The following FBXL5 variants were observed in gnomAD, a reference collection of about 807,000 sequenced individuals.
The protein encoded by FBXL5 is F-box/LRR-repeat protein 5.
Under a neutral mutation model 78.3 loss-of-function variants are expected in FBXL5, and 26 were observed. The observed-to-expected ratio is 0.33, with a 90% CI of 0.24 to 0.46. The LOEUF is 0.46. Among genes scored for constraint, FBXL5 ranks in the 20% least tolerant of loss-of-function variants. FBXL5 has a pLI of 1.00. For synonymous variants in FBXL5, 295 were observed against 282.5 expected (o/e 1.04, Z -0.45); for missense variants, 710 against 829.2 (o/e 0.86, Z 1.77).
intron 1 of FBXL5, among the ~76,000 whole-genome samples, chr4:15,676,624 A>G (rs1236758748): frequency 6.6e-6 from 1 of 152,128 alleles, no homozygotes; most frequent in East Asian, 1.9e-4. Flanking sequence ...TTACAGGGTC[A>G]TACATTTCCT....
At chr4:15,676,850 T>A (rs1255990303) in intron 1 of FBXL5, among the ~76,000 whole-genome samples, 1 of 152,158 alleles carries the variant, frequency 6.6e-6, no homozygotes, top group Non-Finnish European at 1.5e-5. Flanking sequence ...ACCTAATATA[T>A]CACTAGTCCA....
At position 15,630,666 on chromosome 4, in the gene FBXL5, C is replaced by G. The variant is rs1333718559; in HGVS notation, c.892G>C (p.Glu298Gln). 1.3e-6 allele frequency: 2 copies of G among 1,569,776 alleles called. No homozygotes were observed. The highest frequency in any genetic ancestry group is 1.4e-5 in the African/African-American group (1 of 72,502). Residue 298 changes from glutamate to glutamine, a missense_variant and splice_region_variant, in exon 6 of 11, where the codon GAA becomes CAA. Coordinates refer to ENST00000341285, the MANE Select transcript of FBXL5 (RefSeq NM_012161.4). ...WDEDADIDES[E>Q]ESAEESIAIS... ...TAATTTTAATTCCAAACAAGCTTACCAGATTCATCAATGTCAGCATCTTCA... is the reference window on the plus strand; with the variant it reads ...TAATTTTAATTCCAAACAAGCTTACGAGATTCATCAATGTCAGCATCTTCA...
upstream of FBXL5, among the ~76,000 whole-genome samples, chr4:15,656,858 A>G (rs10939630): frequency 0.064 from 9,770 of 152,030 alleles, 575 homozygotes; most frequent in East Asian, 0.22. Context: ...GTGCTGCAGG[A>G]AATTAAGTCT....
upstream of FBXL5, among the ~76,000 whole-genome samples, chr4:15,655,744 C>T (rs1716854736): frequency 6.6e-6 from 1 of 152,210 alleles, no homozygotes; most frequent in Non-Finnish European, 1.5e-5. Context: ...GTGCCCACGC[C>T]CCGACGCCTG....
At chr4:15,629,903 A>G (rs1251643336) in intron 6 of FBXL5, among the ~76,000 whole-genome samples, 1 of 152,148 alleles carries the variant, frequency 6.6e-6, no homozygotes, top group Non-Finnish European at 1.5e-5. Context: ...CAGTTTTACC[A>G]ACTAGAAGAA....
chr4:15,619,162 C>CA (rs989217602), intron 9 of FBXL5, among the ~76,000 whole-genome samples: 17 of 149,888 alleles, frequency 1.1e-4, no homozygotes, highest in African/African-American at 2.5e-4. Flanking sequence ...GACCCTGTCT[C>CA]AAAAAAAAAC....
intron 1 of FBXL5, among the ~76,000 whole-genome samples, chr4:15,646,369 T>TG (rs1715347061): frequency 4.8e-5 from 1 of 20,730 alleles, no homozygotes; most frequent in Non-Finnish European, 1.2e-4. Flanking sequence ...ATATTATAGA[T>TG]TTTTTTTTAA....
Position 15,625,668 on chromosome 4 carries a change from A to G in FBXL5, c.1434T>C (p.Tyr478=), listed in dbSNP as rs1461575374. ...AATCTTCAGCATCTAACATCCACACATAAGGAGAAGTGAAATTCTCAGAAG... is the reference window on the plus strand; with the variant it reads ...AATCTTCAGCATCTAACATCCACACGTAAGGAGAAGTGAAATTCTCAGAAG... The part of the protein sequence containing the change: ...PVSSENFTSP[Y]VWMLDAEDLA... The change falls in exon 9 of 11, where the codon TAT becomes TAC. Residue 478 remains tyrosine (Y), a synonymous_variant. Transcript: ENST00000341285. 1 of 1,614,102 alleles carries G rather than the reference A, an allele frequency of 6.2e-7. No homozygotes were observed. Among genetic ancestry groups the G allele is most frequent in the East Asian group, 2.2e-5 (1 of 44,904 alleles).
At position 15,645,405 on chromosome 4, in the gene FBXL5, G is replaced by A. The variant is rs1275687090; in HGVS notation, c.85-697C>T. Among the ~76,000 whole-genome samples, 5 of 152,176 alleles carry A rather than the reference G, an allele frequency of 3.3e-5. No homozygotes were observed. The East Asian group carries it at 9.7e-4, about 29-fold the overall frequency. On this transcript the variant is annotated intron_variant, in intron 1 of 10. Coordinates refer to ENST00000341285, the MANE Select transcript of FBXL5 (RefSeq NM_012161.4). ...ACCAGTTCTACCATTACTTAACTGT[G>A]TAACCCTGGGTAAGTTACTTTTCTT... is the stretch of plus-strand genomic sequence containing the variant.
intron 8 of FBXL5, among the ~76,000 whole-genome samples, chr4:15,626,262 G>C (rs946400185): frequency 6.6e-6 from 1 of 152,210 alleles, no homozygotes; most frequent in African/African-American, 2.4e-5. Context: ...GTAGTCAGCA[G>C]AAGTAAGGCT....
intron 1 of FBXL5, 42 bp downstream of exon 1, chr4:15,655,161 GC>G: frequency 7.4e-7 from 1 of 1,343,492 alleles, no homozygotes; most frequent in Non-Finnish European, 9.8e-7. Context: ...GCTCCCCATC[GC>G]CGCCCGCACC....
chr4:15,641,528 C>T (rs1714871314), intron 2 of FBXL5: 1 of 415,606 alleles, frequency 2.4e-6, no homozygotes, highest in Non-Finnish European at 4.7e-6. Context: ...GCTTACCTTA[C>T]TGTAAGAATC....
chr4:15,666,005 C>T (rs1246282123), intron 1 of FBXL5, among the ~76,000 whole-genome samples: 1 of 148,868 alleles, frequency 6.7e-6, no homozygotes, highest in Admixed American at 6.8e-5. Flanking sequence ...CCTCAATTTC[C>T]TACTGACAAC....
intron 1 of FBXL5, among the ~76,000 whole-genome samples, chr4:15,675,384 A>G (rs1717946371): frequency 6.6e-6 from 1 of 152,138 alleles, no homozygotes; most frequent in South Asian, 2.1e-4. Flanking sequence ...CTACTACTAT[A>G]GTATATAAAG....
intron 9 of FBXL5, among the ~76,000 whole-genome samples, chr4:15,615,854 CA>C (rs1021565081): frequency 4.6e-5 from 7 of 152,038 alleles, no homozygotes; most frequent in African/African-American, 1.7e-4. Context: ...GCAGGCTGCC[CA>C]AGCCAGCATT....
chr4:15,604,525 C>A lies in FBXL5; in HGVS notation c.*1198G>T, dbSNP rs1435068331. 1.5e-5 allele frequency: 2 copies of A among 135,982 alleles called. No homozygotes were observed. The highest frequency in any genetic ancestry group is 3.2e-5 in the Non-Finnish European group (2 of 62,566). 8.4% of individuals were successfully genotyped at this position (135,982 alleles called of 1,614,324 possible). ...CTATGAAATACTCCAAGAATTATCA[C>A]AATATACGAGACATGAAAGGAGAAG... On this transcript the variant is annotated 3_prime_UTR_variant, in exon 11 of 11. Transcript: ENST00000341285.
chr4:15,655,452 G>A (rs1560243676), upstream of FBXL5: 4 of 936,166 alleles, frequency 4.3e-6, no homozygotes, highest in Non-Finnish European at 5.1e-6. Flanking sequence ...GCAGGCCGCC[G>A]CCATGCGATC....
chr4:15,650,955 TTC>T (rs1414291830), intron 1 of FBXL5, among the ~76,000 whole-genome samples: 1 of 152,180 alleles, frequency 6.6e-6, no homozygotes, highest in Non-Finnish European at 1.5e-5. Flanking sequence ...GTCTCAGACA[TTC>T]TACAGTGATA....
At chr4:15,650,147 G>C (rs1229162037) in intron 1 of FBXL5, among the ~76,000 whole-genome samples, 1 of 152,160 alleles carries the variant, frequency 6.6e-6, no homozygotes, top group Non-Finnish European at 1.5e-5. Context: ...CTGACACCTA[G>C]TGGATAAAAC....
Sources: allele counts gnomAD v4.1 joint callset (sites outside exome capture counted in the v4.1 genomes callset), GRCh38; gene constraint gnomAD v4.1.1; transcripts MANE v1.5; gene names NCBI Gene and HGNC (gene_info 2026-07-23, HGNC 2026-07-21).